The following PRKAG2 variants were observed in gnomAD, a reference collection of about 807,000 sequenced individuals.
PRKAG2 encodes the protein protein kinase AMP-activated non-catalytic subunit gamma 2, also known as 5'-AMP-activated protein kinase subunit gamma-2.
PRKAG2 carries 26 observed loss-of-function variants against 69.6 expected under a neutral mutation model. The ratio of observed to expected loss-of-function variants is 0.37; its 90% CI spans 0.27 to 0.52. The LOEUF (loss-of-function observed/expected upper bound fraction) is 0.52, where lower values mean the gene tolerates loss of function less well. Ranked by LOEUF, PRKAG2 falls within the 20% of genes least tolerant of loss-of-function variation. The pLI is 0.90. For missense variants in PRKAG2, 557 were observed against 740.0 expected (o/e 0.75, Z 2.87); for synonymous variants, 293 against 285.0 (o/e 1.03, Z -0.28).
At chr7:151,626,395 C>T (rs951471372) in intron 5 of PRKAG2, among the ~76,000 whole-genome samples, 6 of 152,136 alleles carry the variant, frequency 3.9e-5, no homozygotes, top group Non-Finnish European at 8.8e-5. Context: ...TTACATATGG[C>T]GCCAGCTCCA....
chr7:151,768,616 G>A (rs1200006842), intron 3 of PRKAG2, among the ~76,000 whole-genome samples: 1 of 152,098 alleles, frequency 6.6e-6, no homozygotes, highest in East Asian at 1.9e-4. Context: ...ACAGGCACAT[G>A]CCATCATACC....
intron 1 of PRKAG2, among the ~76,000 whole-genome samples, chr7:151,827,755 A>AAAAAC (rs2078935210): frequency 6.7e-6 from 1 of 148,176 alleles, no homozygotes. Flanking sequence ...TAAAAAAAAA[A>AAAAAC]AAAAAAAAAA....
intron 1 of PRKAG2, among the ~76,000 whole-genome samples, chr7:151,854,842 C>G (rs1349502999): frequency 6.6e-6 from 1 of 152,072 alleles, no homozygotes; most frequent in Non-Finnish European, 1.5e-5. Context: ...CACATCTGAG[C>G]AGAGGGATGG....
At chr7:151,688,047 C>CCCCCCT (rs952570541) in intron 3 of PRKAG2, among the ~76,000 whole-genome samples, 4 of 143,202 alleles carry the variant, frequency 2.8e-5, no homozygotes, top group South Asian at 2.3e-4. Flanking sequence ...ATGAGGCCCC[C>CCCCCCT]CCCCGGGCTC....
intron 3 of PRKAG2, among the ~76,000 whole-genome samples, chr7:151,769,221 G>A (rs1168117876): frequency 6.6e-6 from 1 of 152,218 alleles, no homozygotes; most frequent in Non-Finnish European, 1.5e-5. Flanking sequence ...AAAGAAAATG[G>A]CCCAGGAACT....
rs1237478124 is a variant in PRKAG2 at position 151,672,022 on chromosome 7, C to CTT, written c.684+3396_684+3397dup. Among the ~76,000 whole-genome samples, 421 of 141,208 alleles carry CTT rather than the reference C, an allele frequency of 3.0e-3. 5 individuals carry two copies. Among genetic ancestry groups the CTT allele is most frequent in the Middle Eastern group, 0.014 (4 of 276 alleles). The allele number at this position is 141,208 out of a possible 152,430, so 92.6% of individuals were successfully genotyped here. A position where few individuals can be genotyped will look rare whatever the true frequency, so the allele number is the denominator to read the frequency against. ...ATATACATAAAAGTTACCATTTGAA[C>CTT]TTTTTTTTTTTTTTTTGAGATGGAG... On this transcript the variant is annotated intron_variant, in intron 4 of 15. Coordinates refer to ENST00000287878, the MANE Select transcript of PRKAG2 (RefSeq NM_016203.4).
At chr7:151,581,049 T>A (rs1032513470) in intron 6 of PRKAG2, among the ~76,000 whole-genome samples, 1 of 152,096 alleles carries the variant, frequency 6.6e-6, no homozygotes, top group Non-Finnish European at 1.5e-5. Flanking sequence ...TCAAAATATT[T>A]CATGCACCCT....
intron 4 of PRKAG2, among the ~76,000 whole-genome samples, chr7:151,642,106 C>T (rs1252811565): frequency 6.8e-6 from 1 of 148,000 alleles, no homozygotes; most frequent in Admixed American, 6.8e-5. Context: ...GAGGCCGAGG[C>T]GGGTGGATCA....
intron 3 of PRKAG2, among the ~76,000 whole-genome samples, chr7:151,700,893 A>T (rs577413868): frequency 6.6e-6 from 1 of 152,324 alleles, no homozygotes; most frequent in South Asian, 2.1e-4. Flanking sequence ...TCCATGCAGA[A>T]CCCATCCAGC....
At chr7:151,623,019 G>A (rs954395629) in intron 5 of PRKAG2, among the ~76,000 whole-genome samples, 1 of 152,010 alleles carries the variant, frequency 6.6e-6, no homozygotes, top group Non-Finnish European at 1.5e-5. Flanking sequence ...GGGAGCAGGG[G>A]GATGGTTTCA....
At chr7:151,757,117 C>A (rs1379400300) in intron 3 of PRKAG2, among the ~76,000 whole-genome samples, 1 of 152,188 alleles carries the variant, frequency 6.6e-6, no homozygotes, top group African/African-American at 2.4e-5. Context: ...GCGGGGCAAG[C>A]TGGAGTGGGG....
At chr7:151,817,386 C>T (rs2078671436) in intron 1 of PRKAG2, among the ~76,000 whole-genome samples, 1 of 152,206 alleles carries the variant, frequency 6.6e-6, no homozygotes, top group African/African-American at 2.4e-5. Flanking sequence ...AGCACCCTCA[C>T]CAGACAAAGC....
At chr7:151,733,859 C>T (rs1029713428) in intron 3 of PRKAG2, among the ~76,000 whole-genome samples, 6 of 152,006 alleles carry the variant, frequency 3.9e-5, no homozygotes, top group Non-Finnish European at 8.8e-5. Flanking sequence ...CCATGCCTGG[C>T]TAATTTTTTA....
At chr7:151,718,646 AC>A (rs1173522839) in intron 3 of PRKAG2, among the ~76,000 whole-genome samples, 1 of 133,296 alleles carries the variant, frequency 7.5e-6, no homozygotes, top group African/African-American at 3.2e-5. Flanking sequence ...AACAAAACAA[AC>A]AAAAAAACCC....
intron 5 of PRKAG2, among the ~76,000 whole-genome samples, chr7:151,616,847 T>C (rs553687614): frequency 1.7e-4 from 26 of 152,232 alleles, no homozygotes; most frequent in African/African-American, 5.3e-4. Flanking sequence ...CATGGCATGT[T>C]TGAAAAATGA....
chr7:151,623,279 G>A lies in PRKAG2; in HGVS notation c.754+8790C>T, dbSNP rs548969106. Among the ~76,000 whole-genome samples, 135 of 148,154 alleles carry A rather than the reference G, an allele frequency of 9.1e-4. 1 individual carries two copies. Among genetic ancestry groups the A allele is most frequent in the African/African-American group, 3.1e-3 (122 of 39,910 alleles). On this transcript the variant is annotated intron_variant, in intron 5 of 15. Coordinates refer to ENST00000287878, the MANE Select transcript of PRKAG2 (RefSeq NM_016203.4). The stretch of plus-strand genomic sequence containing the variant: ...CTTGAGAGGCTGAGGCAGGAGAATC[G>A]CTGGAACCTGGGAGGTGGAGCTTGC...
At chr7:151,667,681 A>C (rs114471114) in intron 4 of PRKAG2, among the ~76,000 whole-genome samples, 49 of 152,218 alleles carry the variant, frequency 3.2e-4, no homozygotes, top group African/African-American at 1.1e-3. Context: ...CCTTGCATAT[A>C]CTTCTGTCTC....
rs549412775 is a variant in PRKAG2, at chr7:151,803,376, G to GA, written c.115-16836dup. 3.8e-4 allele frequency among the ~76,000 whole-genome samples: 58 copies of GA among 152,300 alleles called. No homozygotes were observed. The South Asian group carries it at 6.0e-3, about 16-fold the overall frequency. On this transcript the variant is annotated intron_variant, in intron 1 of 15. Transcript: ENST00000287878. ...GATCTTTATCATATTGGGGTTCAAG[G>GA]ACAGCCATCAGTAAGAAATTTTCTC...
chr7:151,777,687 G>T lies in PRKAG2; in HGVS notation c.466+3465C>A, dbSNP rs1181682285. The stretch of plus-strand genomic sequence containing the variant: ...ACTCCATCCTGCATCCAGCCTCACA[G>T]GCTGGCTGGCTTTGCTCATTACCTG... On this transcript the variant is annotated intron_variant, in intron 3 of 15. Coordinates refer to ENST00000287878, the MANE Select transcript of PRKAG2 (RefSeq NM_016203.4). This position sits in a 1 kb window ranked among gnomAD's most constrained non-coding sequence, Gnocchi z 4.3. Among the ~76,000 whole-genome samples the T allele has an allele frequency of 6.6e-6, 1 of 152,238 alleles. No individual in the cohort carries two copies. Among genetic ancestry groups the T allele is most frequent in the African/African-American group, 2.4e-5 (1 of 41,472 alleles).
Sources: gnomAD v4.1 joint callset for allele counts (sites outside exome capture counted in the v4.1 genomes callset) on GRCh38, gnomAD v4.1.1 for gene constraint, Gnocchi (gnomAD v3.1) non-coding constraint, MANE v1.5 for transcripts, NCBI Gene and HGNC (gene_info 2026-07-23, HGNC 2026-07-21) for gene names.